The following DPYS variants were observed in gnomAD, a reference collection of about 807,000 sequenced individuals.
DPYS encodes dihydropyrimidinase.
In DPYS, 39 loss-of-function variants were observed where a neutral mutation model predicts 50.3. The ratio of observed to expected loss-of-function variants is 0.78; its 90% CI spans 0.60 to 1.01. The LOEUF (loss-of-function observed/expected upper bound fraction) is 1.01. Ranked by LOEUF, DPYS falls within the 50% of genes least tolerant of loss-of-function variation. The probability of loss-of-function intolerance (pLI) is 0.00; values close to 1 mark genes in which losing one functional copy is unlikely to be tolerated. For synonymous variants in DPYS, 245 were observed against 250.7 expected, an observed-to-expected ratio of 0.98 and a Z score of 0.22; for missense variants, 659 against 680.9, an observed-to-expected ratio of 0.97 and a Z score of 0.36.
rs1456158845 is a variant in DPYS at position 104,466,771 on chromosome 8, C to A, written c.150G>T (p.Arg50=). Residue 50 remains arginine, a synonymous_variant, in exon 1 of 10, where the codon CGG becomes CGT. Transcript: ENST00000351513. ...CGAGCTTGCCGGCGGCGTCGAGGACCCGCAGCCCCGCAGGAGCGCCCCCGG... is the reference window on the plus strand; with the variant it reads ...CGAGCTTGCCGGCGGCGTCGAGGACACGCAGCCCCGCAGGAGCGCCCCCGG... ...LPPGGAPAGL[R]VLDAAGKLVL... The A allele has an allele frequency of 1.3e-6, 2 of 1,534,286 alleles. No homozygotes were observed. The highest frequency in any genetic ancestry group is 1.7e-6 in the Non-Finnish European group (2 of 1,145,784).
Position 104,429,661 on chromosome 8 carries a change from G to A in DPYS, c.834C>T (p.Gly278=), listed in dbSNP as rs760745656. Residue 278 remains glycine (G), a synonymous_variant, in exon 5 of 10, where the codon GGC becomes GGT. Transcript: ENST00000351513. ...TATTCCAGTAGTGAGTGCCATCTGT[G>A]CCAAGACTGGCTGCTATGGGTTCAC... The part of the protein sequence containing the change: ...VYGEPIAASL[G]TDGTHYWNKE... 3.7e-6 allele frequency: 6 copies of A among 1,614,000 alleles called. No homozygotes were observed. The East Asian group carries it at 8.9e-5, about 24-fold the overall frequency.
rs139733339 is a variant in DPYS at position 104,423,601 on chromosome 8, G to A, written c.1235+646C>T. Among the ~76,000 whole-genome samples, 218 of 152,302 alleles carry A rather than the reference G, an allele frequency of 1.4e-3. 1 individual carries two copies. Among genetic ancestry groups the A allele is most frequent in the Non-Finnish European group, 2.6e-3 (176 of 68,034 alleles). ...TAATGGGATTTTCTCCACTACGACT[G>A]CAAAATTTATGAAAAACACAAATCA... On this transcript the variant is annotated intron_variant, in intron 7 of 9. Transcript: ENST00000351513.
At chr8:104,439,509 G>A (rs2853172) in intron 4 of DPYS, among the ~76,000 whole-genome samples, 64,175 of 151,958 alleles carry the variant, frequency 0.42, 13,706 homozygotes, top group Non-Finnish European at 0.46. Flanking sequence ...CCAGCGGGTC[G>A]TGGTAGCTCG....
intron 7 of DPYS, among the ~76,000 whole-genome samples, chr8:104,404,823 T>G (rs1356669453): frequency 6.6e-6 from 1 of 152,244 alleles, no homozygotes; most frequent in East Asian, 1.9e-4. Flanking sequence ...AACAGCAGAG[T>G]TGAGTACTAG....
chr8:104,444,529 C>T, intron 3 of DPYS, 92 bp from the exon 4 acceptor site: 2 of 1,432,492 alleles, frequency 1.4e-6, no homozygotes, highest in South Asian at 1.2e-5. Flanking sequence ...CAATGCCAGG[C>T]TTTTGATCTG....
Position 104,381,174 on chromosome 8 carries a change from A to G in DPYS, c.*14+10T>C. ...ATGCAGGAAGACTTTTCTTGCCTAC[A>G]GTCCCTTACCGATGGCACACACTTC... On this transcript the variant is annotated intron_variant, in intron 9 of 9. Transcript: ENST00000351513. The G allele has an allele frequency of 1.2e-6, 2 of 1,605,376 alleles. No homozygotes were observed. Among genetic ancestry groups the G allele is most frequent in the Non-Finnish European group, 1.7e-6 (2 of 1,172,490 alleles).
chr8:104,417,860 C>G (rs764679946), intron 7 of DPYS, among the ~76,000 whole-genome samples: 1 of 152,200 alleles, frequency 6.6e-6, no homozygotes, highest in African/African-American at 2.4e-5. Flanking sequence ...ACTCCCAATT[C>G]TCTCTCGCCA....
intron 2 of DPYS, 84 bp from the exon 3 acceptor site, chr8:104,447,587 G>C (rs1022614445): frequency 1.9e-5 from 28 of 1,487,104 alleles, no homozygotes; most frequent in Non-Finnish European, 2.6e-5. Context: ...GTTGCATTCG[G>C]AAGAGAACTA....
In DPYS at chr8:104,428,009, G is replaced by T. The variant is rs559507379; in HGVS notation, c.1063C>A (p.Arg355=). ...CCTTTTTCCCATATTACGGACATCC[G>T]ATCTTCAACACCATTCACCCCATTG... ...IPNGVNGVED[R]MSVIWEKGVH... is the part of the protein sequence containing the mutation. The change falls in exon 6 of 10, where the codon CGG becomes AGG. Residue 355 remains arginine, a synonymous_variant. Coordinates refer to ENST00000351513, the MANE Select transcript of DPYS (RefSeq NM_001385.3). 3 of 1,614,170 alleles carry T rather than the reference G, an allele frequency of 1.9e-6. No homozygotes were observed. The East Asian group carries it at 6.7e-5, about 36-fold the overall frequency.
At chr8:104,450,785 G>A (rs1444901848) in intron 2 of DPYS, among the ~76,000 whole-genome samples, 1 of 152,190 alleles carries the variant, frequency 6.6e-6, no homozygotes, top group Non-Finnish European at 1.5e-5. Context: ...GCTCATGAGT[G>A]GGAAGGCAGG....
intron 8 of DPYS, among the ~76,000 whole-genome samples, chr8:104,383,620 G>A (rs1340953288): frequency 2.5e-4 from 28 of 112,772 alleles, no homozygotes; most frequent in African/African-American, 1.1e-3. Flanking sequence ...TTTTTTTTTC[G>A]AGACAGAGTT....
rs755524952 is a variant in DPYS at position 104,424,737 on chromosome 8, A to T, written c.1093-348T>A. On this transcript the variant is annotated intron_variant, in intron 6 of 9. Coordinates refer to ENST00000351513, the MANE Select transcript of DPYS (RefSeq NM_001385.3). ...AAAGTTTGACAATACCACATTTATG[A>T]TCTGACTTATTTATTACAGACCTAA... Among the ~76,000 whole-genome samples the T allele has an allele frequency of 8.5e-5, 13 of 152,086 alleles. No individual in the cohort carries two copies. In the South Asian group the frequency reaches 1.0e-3, roughly 12 times the overall value.
chr8:104,388,085 G>C (rs1483085055), intron 8 of DPYS, among the ~76,000 whole-genome samples: 3 of 152,198 alleles, frequency 2.0e-5, no homozygotes, highest in African/African-American at 7.2e-5. Flanking sequence ...TATATGGCAA[G>C]TGATATGTCT....
intron 3 of DPYS, among the ~76,000 whole-genome samples, chr8:104,445,743 T>C (rs111991927): frequency 0.17 from 26,231 of 151,944 alleles, 2,393 homozygotes; most frequent in East Asian, 0.26. Flanking sequence ...AGGGGCACTA[T>C]AGTCAATAAT....
At chr8:104,403,381 G>T (rs531482452) in intron 7 of DPYS, among the ~76,000 whole-genome samples, 1 of 152,202 alleles carries the variant, frequency 6.6e-6, no homozygotes, top group East Asian at 1.9e-4. Flanking sequence ...CTTGGAATCC[G>T]TGAGGCCAAG....
In DPYS at chr8:104,436,027, C is replaced by T. The variant is rs960630184; in HGVS notation, c.794-6326G>A. Among the ~76,000 whole-genome samples the T allele has an allele frequency of 7.2e-5, 11 of 152,164 alleles. No individual in the cohort carries two copies. In the South Asian group the frequency reaches 2.3e-3, roughly 32 times the overall value. ...AGGGGAAGAGGAGGTCTGGGTCTGT[C>T]AACACTCACCCTTACCTCTGCTGGG... On this transcript the variant is annotated intron_variant, in intron 4 of 9. Coordinates refer to ENST00000351513, the MANE Select transcript of DPYS (RefSeq NM_001385.3).
At chr8:104,466,634 CGG>C in intron 1 of DPYS, 21 bp downstream of exon 1, 1 of 1,502,950 alleles carries the variant, frequency 6.7e-7, no homozygotes, top group East Asian at 2.7e-5. Flanking sequence ...TACCGCGGGG[CGG>C]GGGCGCGGCG....
intron 4 of DPYS, among the ~76,000 whole-genome samples, chr8:104,438,167 C>G (rs962064963): frequency 2.6e-5 from 4 of 152,052 alleles, no homozygotes; most frequent in African/African-American, 9.7e-5. Flanking sequence ...CCTCATTATC[C>G]CAGAATGACA....
intron 7 of DPYS, among the ~76,000 whole-genome samples, chr8:104,395,190 G>A (rs13253383): frequency 0.2 from 30,562 of 151,814 alleles, 4,008 homozygotes; most frequent in Non-Finnish European, 0.28. Flanking sequence ...GTAGAGACAG[G>A]GTTTAGCCAT....
Sources: allele counts gnomAD v4.1 joint callset (sites outside exome capture counted in the v4.1 genomes callset), GRCh38; gene constraint gnomAD v4.1.1; transcripts MANE v1.5; gene names NCBI Gene and HGNC (gene_info 2026-07-23, HGNC 2026-07-21).